The following CD99L2 variants were observed in gnomAD, a reference collection of about 807,000 sequenced individuals.
CD99L2 encodes the protein CD99 molecule like 2.
In CD99L2, 24 loss-of-function variants were observed where a neutral mutation model predicts 27.3. That is an observed-to-expected ratio of 0.88 (90% confidence interval 0.64 to 1.24). The LOEUF (loss-of-function observed/expected upper bound fraction) is 1.24, where lower values mean the gene tolerates loss of function less well. CD99L2 is among the 50% of genes most tolerant of loss of function. The probability of loss-of-function intolerance (pLI) is 0.00; values close to 1 mark genes in which losing one functional copy is unlikely to be tolerated. For synonymous variants in CD99L2, 97 were observed against 87.9 expected (o/e 1.10, Z -0.58); for missense variants, 255 against 221.6 (o/e 1.15, Z -0.96).
At chrX:150,788,483 C>T (rs1322133352) in intron 7 of CD99L2, among the ~76,000 whole-genome samples, 1 of 111,066 alleles carries the variant, frequency 9.0e-6, no homozygotes, top group East Asian at 2.8e-4. Flanking sequence ...AGCTGGTCAT[C>T]CCAAGGGAGG....
chrX:150,789,024 C>T (rs1203596369), intron 7 of CD99L2, among the ~76,000 whole-genome samples: 3 of 111,430 alleles, frequency 2.7e-5, no homozygotes, highest in Non-Finnish European at 5.7e-5. Context: ...ATCTTATTTT[C>T]CTATTTTATA....
intron 1 of CD99L2, among the ~76,000 whole-genome samples, chrX:150,875,912 C>A (rs924645390): frequency 1.8e-5 from 2 of 112,325 alleles, no homozygotes; most frequent in Non-Finnish European, 3.8e-5. Flanking sequence ...GTCCATTAAA[C>A]CTCTTTCTTT....
intron 3 of CD99L2, 35 bp downstream of exon 3, chrX:150,815,972 C>T (rs1603297767): frequency 8.4e-7 from 1 of 1,188,903 alleles, no homozygotes; most frequent in Admixed American, 2.2e-5. Flanking sequence ...CCAGAGGGCC[C>T]TTCCTCACTG....
At chrX:150,781,737 G>A (rs1440031104) in intron 7 of CD99L2, among the ~76,000 whole-genome samples, 3 of 111,904 alleles carry the variant, frequency 2.7e-5, no homozygotes, top group African/African-American at 9.8e-5. Flanking sequence ...GACCGTCACT[G>A]TAGCAATAGT....
chrX:150,778,676 A>T (rs989915022), intron 7 of CD99L2, among the ~76,000 whole-genome samples: 10 of 25,600 alleles, frequency 3.9e-4, no homozygotes, highest in South Asian at 3.8e-3. Flanking sequence ...AGTATAATAA[A>T]AAAAAAAAAA....
intron 7 of CD99L2, among the ~76,000 whole-genome samples, chrX:150,789,496 G>A (rs1009416968): frequency 8.9e-6 from 1 of 112,129 alleles, no homozygotes; most frequent in Admixed American, 9.4e-5. Flanking sequence ...CTCCAAATCT[G>A]TGGCTTGTCT....
intron 4 of CD99L2, among the ~76,000 whole-genome samples, chrX:150,807,955 A>G (rs2046019513): frequency 8.9e-6 from 1 of 112,693 alleles, no homozygotes; most frequent in African/African-American, 3.2e-5. Flanking sequence ...ACAAGAAATC[A>G]CAAACATCAT....
chrX:150,782,625 A>C (rs935602189), intron 7 of CD99L2, among the ~76,000 whole-genome samples: 1 of 112,211 alleles, frequency 8.9e-6, no homozygotes, highest in East Asian at 2.8e-4. Flanking sequence ...TTCACATCAC[A>C]GAACACCAGA....
At position 150,771,901 on chromosome X, in the gene CD99L2, G is replaced by C. The variant is rs782346017; in HGVS notation, c.656-1532C>G. ...CAAACATGCGGGCTTTCCACACTGA[G>C]GGCAAAGGCAAGGGAAGCCAAGGGT... is the stretch of plus-strand genomic sequence containing the variant. On this transcript the variant is annotated intron_variant, in intron 9 of 10. Transcript: ENST00000370377. 1,378 of 1,075,170 alleles carry C rather than the reference G, an allele frequency of 1.3e-3. 2 individuals carry two copies. Among genetic ancestry groups the C allele is most frequent in the Non-Finnish European group, 1.2e-3 (976 of 801,731 alleles). 88.6% of individuals were successfully genotyped at this position (1,075,170 alleles called of 1,213,427 possible).
At chrX:150,889,666 T>C (rs1557422725) in intron 1 of CD99L2, among the ~76,000 whole-genome samples, 1 of 112,219 alleles carries the variant, frequency 8.9e-6, no homozygotes, top group Non-Finnish European at 1.9e-5. Flanking sequence ...AGATGTTCAC[T>C]GAACAGGGGT....
chrX:150,824,674 GGAA>G (rs1159626644), intron 2 of CD99L2, among the ~76,000 whole-genome samples: 12 of 26,540 alleles, frequency 4.5e-4, no homozygotes, highest in Non-Finnish European at 5.8e-4. Flanking sequence ...AAGAGGAAGA[GGAA>G]GAAGAAGAAG....
intron 4 of CD99L2, among the ~76,000 whole-genome samples, chrX:150,803,131 T>C (rs2045945044): frequency 1.8e-5 from 2 of 109,564 alleles, no homozygotes; most frequent in African/African-American, 6.7e-5. Context: ...CCTGACCTCG[T>C]GATCTGCCCG....
At chrX:150,787,888 G>GTCTA (rs1473718727) in intron 7 of CD99L2, among the ~76,000 whole-genome samples, 1 of 63,861 alleles carries the variant, frequency 1.6e-5, no homozygotes, top group Non-Finnish European at 3.1e-5. Flanking sequence ...AGAACTTAAA[G>GTCTA]TATATATATA....
intron 1 of CD99L2, among the ~76,000 whole-genome samples, chrX:150,866,018 G>A (rs1466493633): frequency 7.1e-5 from 8 of 111,946 alleles, no homozygotes; most frequent in Admixed American, 6.6e-4. Context: ...CTACTCTGGA[G>A]GCTGAAGTGG....
At chrX:150,776,325 G>A in intron 8 of CD99L2, 32 bp from the exon 9 acceptor site, 2 of 1,175,907 alleles carry the variant, frequency 1.7e-6, no homozygotes. Flanking sequence ...ATGAGGACAG[G>A]TGAGGTCAGA....
chrX:150,864,799 G>A (rs1194380057), intron 1 of CD99L2, among the ~76,000 whole-genome samples: 1 of 112,434 alleles, frequency 8.9e-6, no homozygotes, highest in Non-Finnish European at 1.9e-5. Flanking sequence ...TAAAGAACAG[G>A]TGCTTCACAA....
At chrX:150,788,474 G>C (rs2045634383) in intron 7 of CD99L2, among the ~76,000 whole-genome samples, 1 of 111,362 alleles carries the variant, frequency 9.0e-6, no homozygotes, top group Non-Finnish European at 1.9e-5. Context: ...TAACCGCTTA[G>C]CTGGTCATCC....
At position 150,766,756 on chromosome X, in the gene CD99L2, GGTGGCAGTGTCGAGCAAGT is replaced by G. The variant is rs1415301612; in HGVS notation, c.*2259_*2277del. On this transcript the variant is annotated 3_prime_UTR_variant, in exon 11 of 11. Transcript: ENST00000370377. ...GACCAGAGCCCGCCAGGCTTCTGCAGGTGGCAGTGTCGAGCAAGTGTAAGATGTCTGTGGGAAGGAGAAG... is the reference window on the plus strand; with the variant it reads ...GACCAGAGCCCGCCAGGCTTCTGCAGGTAAGATGTCTGTGGGAAGGAGAAG... 8.9e-6 allele frequency: 1 copy of G among 112,126 alleles called. No individual in the cohort carries two copies. Among genetic ancestry groups the G allele is most frequent in the African/African-American group, 3.2e-5 (1 of 30,784 alleles). 9.2% of individuals were successfully genotyped at this position (112,126 alleles called of 1,213,427 possible).
chrX:150,889,915 G>A (rs2047476216), intron 1 of CD99L2, among the ~76,000 whole-genome samples: 1 of 111,453 alleles, frequency 9.0e-6, no homozygotes, highest in African/African-American at 3.3e-5. Context: ...CACTTTGGGA[G>A]GCCGAGGCGG....
Sources: allele counts gnomAD v4.1 joint callset (sites outside exome capture counted in the v4.1 genomes callset), GRCh38; gene constraint gnomAD v4.1.1; transcripts MANE v1.5; gene names NCBI Gene and HGNC (gene_info 2026-07-23, HGNC 2026-07-21).